The following IRAK3 variants were observed in gnomAD, a reference collection of about 807,000 sequenced individuals.
IRAK3 encodes interleukin-1 receptor-associated kinase 3.
IRAK3 carries 57 observed loss-of-function variants against 56.6 expected under a neutral mutation model. That is an observed-to-expected ratio of 1.01 (90% CI 0.81 to 1.26). IRAK3 has a LOEUF of 1.26. IRAK3 is among the 50% of genes most tolerant of loss of function. IRAK3 has a pLI of 0.00. For synonymous variants in IRAK3, 258 were observed against 255.7 expected, an observed-to-expected ratio of 1.01 and a Z score of -0.09; for missense variants, 703 against 719.0, an observed-to-expected ratio of 0.98 and a Z score of 0.25.
intron 6 of IRAK3, among the ~76,000 whole-genome samples, chr12:66,219,654 T>A (rs530290541): frequency 1.3e-5 from 2 of 152,344 alleles, no homozygotes; most frequent in East Asian, 3.9e-4. Context: ...CTGTACCACT[T>A]TATATTCCAA....
At chr12:66,244,925 G>A (rs1381688064) in intron 9 of IRAK3, 23 bp from the exon 10 acceptor site, 2 of 1,552,042 alleles carry the variant, frequency 1.3e-6, no homozygotes, top group East Asian at 4.5e-5. Flanking sequence ...ATATATAGCT[G>A]ACTTTCTATA....
At chr12:66,192,741 C>T (rs894052697) in intron 1 of IRAK3, among the ~76,000 whole-genome samples, 2 of 152,092 alleles carry the variant, frequency 1.3e-5, no homozygotes, top group African/African-American at 2.4e-5. Flanking sequence ...TACCTCCTGT[C>T]AAGGCTTACT....
chr12:66,195,847 G>A (rs1280749376), intron 1 of IRAK3, among the ~76,000 whole-genome samples: 1 of 152,012 alleles, frequency 6.6e-6, no homozygotes, highest in Non-Finnish European at 1.5e-5. Context: ...AGTAGAGACG[G>A]GGTTTAACTA....
At chr12:66,235,305 G>GCGGGCA in intron 8 of IRAK3, 1 of 1,125,390 alleles carries the variant, frequency 8.9e-7, no homozygotes. Context: ...GGCCGCGGCG[G>GCGGGCA]CGGGCGCGGG....
chr12:66,251,618 T>C lies in IRAK3; in HGVS notation c.*3447T>C, dbSNP rs2053100569. The C allele has an allele frequency of 6.6e-6, 1 of 152,234 alleles. No homozygotes were observed. The highest frequency in any genetic ancestry group is 2.4e-5 in the African/African-American group (1 of 41,458). The allele number at this position is 152,234 out of a possible 1,614,324, so 9.4% of individuals were successfully genotyped here. On this transcript the variant is annotated 3_prime_UTR_variant, in exon 12 of 12. Coordinates refer to ENST00000261233, the MANE Select transcript of IRAK3 (RefSeq NM_007199.3). ...ATGGGATTTCTGATATAATCAATTT[T>C]ATTGACTTCTTGGGAGTTGTAATGA...
chr12:66,215,785 T>TGCACGTGCACGTGCGCGCGCAC (rs150339586), intron 5 of IRAK3, among the ~76,000 whole-genome samples: 1 of 31,176 alleles, frequency 3.2e-5, no homozygotes, highest in Non-Finnish European at 6.5e-5. Flanking sequence ...TAACCCAACA[T>TGCACGTGCACGTGCGCGCGCAC]GCACACACAC....
At chr12:66,199,155 T>C (rs1445710258) in intron 1 of IRAK3, among the ~76,000 whole-genome samples, 2 of 152,052 alleles carry the variant, frequency 1.3e-5, no homozygotes, top group East Asian at 1.9e-4. Flanking sequence ...ATTTTGAGAG[T>C]GGGAAGTGTT....
intron 1 of IRAK3, among the ~76,000 whole-genome samples, chr12:66,195,801 G>T (rs1170116244): frequency 1.3e-5 from 2 of 151,966 alleles, no homozygotes; most frequent in Non-Finnish European, 2.9e-5. Context: ...GATTACAGGC[G>T]CCTACCACAA....
chr12:66,195,830 T>A (rs1250143857), intron 1 of IRAK3, among the ~76,000 whole-genome samples: 1 of 152,152 alleles, frequency 6.6e-6, no homozygotes, highest in Non-Finnish European at 1.5e-5. Context: ...TAATTTTTTG[T>A]ATTTTTAGTA....
intron 11 of IRAK3, among the ~76,000 whole-genome samples, chr12:66,246,900 T>C (rs2053038523): frequency 6.6e-6 from 1 of 152,216 alleles, no homozygotes; most frequent in African/African-American, 2.4e-5. Context: ...TTCCTGGACC[T>C]TCAACACCTT....
chr12:66,235,992 C>G (rs544477772), intron 8 of IRAK3, among the ~76,000 whole-genome samples: 4 of 152,294 alleles, frequency 2.6e-5, no homozygotes, highest in South Asian at 2.1e-4. Flanking sequence ...TTCCAAAAGA[C>G]AGTCTCAAGT....
chr12:66,248,218 G>T lies in IRAK3; in HGVS notation c.*47G>T. 7.3e-7 allele frequency: 1 copy of T among 1,370,138 alleles called. No homozygotes were observed. Among genetic ancestry groups the T allele is most frequent in the South Asian group, 1.2e-5 (1 of 85,330 alleles). The allele number at this position is 1,370,138 out of a possible 1,614,324, so 84.9% of individuals were successfully genotyped here. A position where few individuals can be genotyped will look rare whatever the true frequency, so the allele number is the denominator to read the frequency against. On this transcript the variant is annotated 3_prime_UTR_variant, in exon 12 of 12. Transcript: ENST00000261233. ...AAAAGCAAGTATTGCATAGGCACCT[G>T]AGCATAGGTATGACCTTGGGAAGAC...
chr12:66,213,242 C>T (rs1289772129), intron 5 of IRAK3, among the ~76,000 whole-genome samples: 1 of 152,014 alleles, frequency 6.6e-6, no homozygotes, highest in East Asian at 1.9e-4. Flanking sequence ...GTCACAAGAA[C>T]AGCACTGGAA....
intron 1 of IRAK3, among the ~76,000 whole-genome samples, chr12:66,198,486 T>C (rs1223450417): frequency 1.3e-5 from 2 of 152,206 alleles, no homozygotes; most frequent in African/African-American, 2.4e-5. Flanking sequence ...ACGACACTTC[T>C]ATTGCAAAGC....
intron 9 of IRAK3, 41 bp from the exon 10 acceptor site, chr12:66,244,907 T>G (rs1460512162): frequency 2.1e-6 from 3 of 1,447,662 alleles, no homozygotes; most frequent in Non-Finnish European, 9.7e-7. Flanking sequence ...TGTGTGTATA[T>G]TTTTAAGATA....
At position 66,253,307 on chromosome 12, in the gene IRAK3, C is replaced by T. The variant is rs1378142217; in HGVS notation, c.*5136C>T. 1.3e-5 allele frequency: 2 copies of T among 152,090 alleles called. No individual in the cohort carries two copies. The highest frequency in any genetic ancestry group is 2.4e-5 in the African/African-American group (1 of 41,406). The allele number at this position is 152,090 out of a possible 1,614,324, so 9.4% of individuals were successfully genotyped here. On this transcript the variant is annotated 3_prime_UTR_variant, in exon 12 of 12. Transcript: ENST00000261233. ...AGATATCTTCGAAAAGAAGATTAGT[C>T]GTTGTATGTGTTGCTTATAAATTTT... is the stretch of plus-strand genomic sequence containing the variant.
chr12:66,220,666 G>A (rs898175812), intron 6 of IRAK3, among the ~76,000 whole-genome samples: 3 of 149,048 alleles, frequency 2.0e-5, no homozygotes, highest in Admixed American at 6.7e-5. Flanking sequence ...GACTACAGGC[G>A]CCCGCCACTA....
intron 6 of IRAK3, among the ~76,000 whole-genome samples, chr12:66,223,324 C>T (rs976143459): frequency 1.3e-5 from 2 of 152,010 alleles, no homozygotes; most frequent in African/African-American, 4.8e-5. Flanking sequence ...TTTTCTTTTG[C>T]GGATTCCAGA....
rs753706776 is a variant in IRAK3, at chr12:66,252,176, AC to A, written c.*4008del. 6.6e-6 allele frequency: 1 copy of A among 152,102 alleles called. No individual in the cohort carries two copies. Among genetic ancestry groups the A allele is most frequent in the Non-Finnish European group, 1.5e-5 (1 of 68,012 alleles). The allele number at this position is 152,102 out of a possible 1,614,324, so 9.4% of individuals were successfully genotyped here. A position where few individuals can be genotyped will look rare whatever the true frequency, so the allele number is the denominator to read the frequency against. Reference sequence around the variant, plus strand: ...TTTTTTCTGGTTAACCCTTAGAGTCACCCTGAAGGTGTGGATCCCATCTTAT... The same window carrying A: ...TTTTTTCTGGTTAACCCTTAGAGTCACCTGAAGGTGTGGATCCCATCTTAT... On this transcript the variant is annotated 3_prime_UTR_variant, in exon 12 of 12. Transcript: ENST00000261233.
Sources: gnomAD v4.1 joint callset for allele counts (sites outside exome capture counted in the v4.1 genomes callset) on GRCh38, gnomAD v4.1.1 for gene constraint, MANE v1.5 for transcripts, NCBI Gene and HGNC (gene_info 2026-07-23, HGNC 2026-07-21) for gene names.